PCDHGA8: variants seen among roughly 807,000 people sequenced by gnomAD.
PCDHGA8 encodes the protein protocadherin gamma-A8.
Under a neutral mutation model 59.2 loss-of-function variants are expected in PCDHGA8, and 45 were observed. The observed-to-expected ratio is 0.76, with a 90% CI of 0.60 to 0.98. The LOEUF is 0.98. PCDHGA8 is among the 50% of genes least tolerant of loss of function. The pLI, the probability that PCDHGA8 is intolerant of heterozygous loss-of-function variation, is 0.00. For missense variants in PCDHGA8, 1,257 were observed against 1,196.2 expected (o/e 1.05, Z -0.75); for synonymous variants, 531 against 519.0 (o/e 1.02, Z -0.32).
Position 141,487,356 on chromosome 5 carries a change from C to A in PCDHGA8, c.2425-7451C>A. On this transcript the variant is annotated intron_variant, in intron 1 of 3. Coordinates refer to ENST00000398604, the MANE Select transcript of PCDHGA8 (RefSeq NM_032088.2). The surrounding 1 kb of genome is among the most constrained non-coding windows in gnomAD (Gnocchi z 5.0). ...GCCTGTGGAGTCACATGCTTTCCTG[C>A]TGGCACCTGTGCCTGTCTCACCAGA... 1 of 1,614,220 alleles carries A rather than the reference C, an allele frequency of 6.2e-7. No individual in the cohort carries two copies. The highest frequency in any genetic ancestry group is 8.5e-7 in the Non-Finnish European group (1 of 1,180,042).
rs753702657 is a variant in PCDHGA8 at position 141,415,195 on chromosome 5, C to G, written c.2424+19958C>G. ...CGTGGCCGTGGCCGACAGCATCCCC[C>G]AAGTCCTGGCGGACCTCGGCAGCTT... On this transcript the variant is annotated intron_variant, in intron 1 of 3. Transcript: ENST00000398604. 5 of 1,614,058 alleles carry G rather than the reference C, an allele frequency of 3.1e-6. No individual in the cohort carries two copies. The highest frequency in any genetic ancestry group is 1.1e-5 in the South Asian group (1 of 91,090).
intron 1 of PCDHGA8, chr5:141,427,212 C>T (rs2097000434): frequency 4.4e-6 from 2 of 456,702 alleles, no homozygotes; most frequent in Non-Finnish European, 8.8e-6. Flanking sequence ...CTTCGAATTT[C>T]GTAGCAGTTA....
At chr5:141,414,457 G>C in intron 1 of PCDHGA8, 2 of 1,613,872 alleles carry the variant, frequency 1.2e-6, no homozygotes, top group Non-Finnish European at 1.7e-6. Flanking sequence ...CACAGTGACA[G>C]CCACAGATGG....
chr5:141,481,871 G>T (rs372191396), intron 1 of PCDHGA8, among the ~76,000 whole-genome samples: 1 of 144,788 alleles, frequency 6.9e-6, no homozygotes, highest in Non-Finnish European at 1.5e-5. Context: ...CCGAGATCGC[G>T]CCACTGCACT....
rs776990176 is a variant in PCDHGA8 at position 141,485,136 on chromosome 5, C to A, written c.2425-9671C>A. ...GTTTGGGGCGGGTCGGCTTCATCCG[C>A]GTCTCAGGAGCAAGTAGAGAATTAG... On this transcript the variant is annotated intron_variant, in intron 1 of 3. Transcript: ENST00000398604. The surrounding 1 kb of genome is among the most constrained non-coding windows in gnomAD (Gnocchi z 5.7). The A allele has an allele frequency of 4.0e-6, 6 of 1,502,706 alleles. No individual in the cohort carries two copies. The South Asian group carries it at 5.9e-5, about 15-fold the overall frequency. The allele number at this position is 1,502,706 out of a possible 1,614,324, so 93.1% of individuals were successfully genotyped here.
intron 1 of PCDHGA8, among the ~76,000 whole-genome samples, chr5:141,407,384 G>A (rs911492449): frequency 1.3e-5 from 2 of 152,182 alleles, no homozygotes; most frequent in Non-Finnish European, 2.9e-5. Flanking sequence ...AGGCTTGTAT[G>A]TCATGGTAGG....
chr5:141,486,163 G>A lies in PCDHGA8; in HGVS notation c.2425-8644G>A. 2.5e-6 allele frequency: 4 copies of A among 1,614,212 alleles called. No individual in the cohort carries two copies. Among genetic ancestry groups the A allele is most frequent in the Non-Finnish European group, 3.4e-6 (4 of 1,180,034 alleles). The stretch of plus-strand genomic sequence containing the variant: ...CTCGCGATGGGGGTTCTCCAGCCAT[G>A]GAGCAACATTGCAGCCTTCGAGTGG... On this transcript the variant is annotated intron_variant, in intron 1 of 3. Transcript: ENST00000398604. This position sits in a 1 kb window ranked among gnomAD's most constrained non-coding sequence, Gnocchi z 5.0.
At chr5:141,467,373 T>C (rs2099143070) in intron 1 of PCDHGA8, among the ~76,000 whole-genome samples, 1 of 152,064 alleles carries the variant, frequency 6.6e-6, no homozygotes, top group Non-Finnish European at 1.5e-5. Context: ...TTTCTTATAT[T>C]GCATTTAGGT....
At chr5:141,448,415 T>C (rs1286455437) in intron 1 of PCDHGA8, among the ~76,000 whole-genome samples, 2 of 152,158 alleles carry the variant, frequency 1.3e-5, no homozygotes, top group African/African-American at 2.4e-5. Context: ...ATCAAAACAA[T>C]ATACTATGTA....
In PCDHGA8 at chr5:141,432,770, G is replaced by A. The variant is rs930442281; in HGVS notation, c.2424+37533G>A. The A allele has an allele frequency of 6.2e-7, 1 of 1,614,128 alleles. No individual in the cohort carries two copies. On this transcript the variant is annotated intron_variant, in intron 1 of 3. Coordinates refer to ENST00000398604, the MANE Select transcript of PCDHGA8 (RefSeq NM_032088.2). This position sits in a 1 kb window ranked among gnomAD's most constrained non-coding sequence, Gnocchi z 6.0. ...GGCCGTGGCCGACAGCATCCCCCAAGTCCTGGCGGACCTCGGCAGCCTCGA... is the reference window on the plus strand; with the variant it reads ...GGCCGTGGCCGACAGCATCCCCCAAATCCTGGCGGACCTCGGCAGCCTCGA...
At chr5:141,502,484 G>A (rs962659219) in intron 2 of PCDHGA8, among the ~76,000 whole-genome samples, 1 of 152,000 alleles carries the variant, frequency 6.6e-6, no homozygotes. Context: ...CATCACACTG[G>A]GACTCATCTA....
intron 1 of PCDHGA8, chr5:141,427,003 T>C: frequency 2.2e-6 from 1 of 456,764 alleles, no homozygotes; most frequent in South Asian, 1.5e-5. Flanking sequence ...GCCCCAGTTT[T>C]TAGCCAGGAT....
chr5:141,500,444 C>T (rs1032064705), intron 2 of PCDHGA8, among the ~76,000 whole-genome samples: 3 of 151,370 alleles, frequency 2.0e-5, no homozygotes, highest in African/African-American at 4.9e-5. Context: ...CTCCTGACCT[C>T]GTGATCCGCC....
intron 1 of PCDHGA8, among the ~76,000 whole-genome samples, chr5:141,397,239 G>A (rs563338293): frequency 1.8e-4 from 27 of 152,262 alleles, no homozygotes; most frequent in Non-Finnish European, 3.4e-4. Flanking sequence ...GAAGAGCAAC[G>A]TAGTAGGGTA....
chr5:141,474,597 T>C (rs1454833258), intron 1 of PCDHGA8, among the ~76,000 whole-genome samples: 2 of 152,248 alleles, frequency 1.3e-5, no homozygotes, highest in Non-Finnish European at 2.9e-5. Flanking sequence ...CATGGAAATA[T>C]AGGTCACATA....
chr5:141,496,981 T>A (rs928774783), intron 2 of PCDHGA8, among the ~76,000 whole-genome samples: 1 of 150,304 alleles, frequency 6.7e-6, no homozygotes, highest in African/African-American at 2.5e-5. Context: ...AGGTCAGGGG[T>A]TTGAGACCAG....
In PCDHGA8 at chr5:141,432,645, C is replaced by A. The variant is rs758701539; in HGVS notation, c.2424+37408C>A. ...CTGCACACGGGCGAGGTGCGCACGG[C>A]GCGAGCCCTGCTGGACAGAGACGCG... On this transcript the variant is annotated intron_variant, in intron 1 of 3. Coordinates refer to ENST00000398604, the MANE Select transcript of PCDHGA8 (RefSeq NM_032088.2). This position sits in a 1 kb window ranked among gnomAD's most constrained non-coding sequence, Gnocchi z 6.0. The A allele has an allele frequency of 1.2e-5, 20 of 1,613,628 alleles. No individual in the cohort carries two copies. The highest frequency in any genetic ancestry group is 1.6e-4 in the Middle Eastern group (1 of 6,066).
At chr5:141,479,930 T>C (rs1355410974) in intron 1 of PCDHGA8, among the ~76,000 whole-genome samples, 15 of 152,218 alleles carry the variant, frequency 9.9e-5, no homozygotes, top group Non-Finnish European at 1.9e-4. Context: ...CAGTGCATCA[T>C]TGCTATCAAC....
rs763097687 is a variant in PCDHGA8 at position 141,489,361 on chromosome 5, C to G, written c.2425-5446C>G. On this transcript the variant is annotated intron_variant, in intron 1 of 3. Transcript: ENST00000398604. This position sits in a 1 kb window ranked among gnomAD's most constrained non-coding sequence, Gnocchi z 4.5. Reference sequence around the variant, plus strand: ...TTACTCAGTGGTGGAGGAGTCTGAGCCGGGGACGCTGGTGGGGAATGTTGC... The same window carrying G: ...TTACTCAGTGGTGGAGGAGTCTGAGGCGGGGACGCTGGTGGGGAATGTTGC... 6.2e-7 allele frequency: 1 copy of G among 1,612,762 alleles called. No homozygotes were observed. Among genetic ancestry groups the G allele is most frequent in the African/African-American group, 1.3e-5 (1 of 74,874 alleles).
Sources: allele counts gnomAD v4.1 joint callset (sites outside exome capture counted in the v4.1 genomes callset), GRCh38; gene constraint gnomAD v4.1.1; non-coding constraint Gnocchi (gnomAD v3.1); transcripts MANE v1.5; gene names NCBI Gene and HGNC (gene_info 2026-07-23, HGNC 2026-07-21).